BCAS3: variants seen among roughly 807,000 people sequenced by gnomAD.
BCAS3 encodes BCAS3 microtubule associated cell migration factor.
Under a neutral mutation model 116.1 loss-of-function variants are expected in BCAS3, and 53 were observed. The ratio of observed to expected loss-of-function variants is 0.46; its 90% CI spans 0.37 to 0.57. BCAS3 has a LOEUF of 0.57. Ranked by LOEUF, BCAS3 falls within the 20% of genes least tolerant of loss-of-function variation. The pLI is 0.00. For missense variants in BCAS3, 917 were observed against 1,165.4 expected (o/e 0.79, Z 3.10); for synonymous variants, 391 against 408.2 (o/e 0.96, Z 0.51).
rs2045686607 is a variant in BCAS3, at chr17:60,780,202, C to CACTATAT, written c.404-27802_404-27801insACTATAT. On this transcript the variant is annotated intron_variant, in intron 6 of 23. Coordinates refer to ENST00000407086, the MANE Select transcript of BCAS3 (RefSeq NM_017679.5). The stretch of plus-strand genomic sequence containing the variant: ...GACAGGTTTCACTATATTGGCCAAG[C>CACTATAT]TGGTCTCAAACTCCTGACCTTGTGA... Among the ~76,000 whole-genome samples, 13 of 151,502 alleles carry CACTATAT rather than the reference C, an allele frequency of 8.6e-5. No homozygotes were observed. In the South Asian group the frequency reaches 1.0e-3, roughly 12 times the overall value.
chr17:60,882,746 A>G (rs1422037448), intron 9 of BCAS3, among the ~76,000 whole-genome samples: 6 of 147,488 alleles, frequency 4.1e-5, no homozygotes, highest in African/African-American at 1.6e-4. Context: ...AAGATCAGAT[A>G]GTTGTAGGTA....
At chr17:60,914,622 A>G (rs2058683852) in intron 12 of BCAS3, among the ~76,000 whole-genome samples, 1 of 152,166 alleles carries the variant, frequency 6.6e-6, no homozygotes, top group African/African-American at 2.4e-5. Context: ...GTCTACTTAT[A>G]TGTGGATTTT....
intron 14 of BCAS3, among the ~76,000 whole-genome samples, chr17:60,966,005 A>T (rs951688853): frequency 2.0e-5 from 3 of 152,122 alleles, no homozygotes; most frequent in African/African-American, 7.2e-5. Context: ...TATAGACTTG[A>T]GATGTCCAGT....
intron 22 of BCAS3, among the ~76,000 whole-genome samples, chr17:61,119,441 T>C (rs550508782): frequency 6.6e-6 from 1 of 152,252 alleles, no homozygotes; most frequent in South Asian, 2.1e-4. Flanking sequence ...CATGATAGTG[T>C]CATTAGATGC....
At chr17:60,727,278 G>T in intron 5 of BCAS3, 2 of 1,096,358 alleles carry the variant, frequency 1.8e-6, no homozygotes, top group African/African-American at 1.5e-5. Flanking sequence ...ACACATTCTG[G>T]CCTTAGCACA....
At chr17:61,374,386 G>GTCT (rs1458573099) in intron 23 of BCAS3, among the ~76,000 whole-genome samples, 2 of 151,966 alleles carry the variant, frequency 1.3e-5, no homozygotes, top group African/African-American at 2.4e-5. Flanking sequence ...GGCCAGGCTG[G>GTCT]TCTCAAACTC....
intron 22 of BCAS3, among the ~76,000 whole-genome samples, chr17:61,284,497 T>C (rs1018038591): frequency 3.3e-5 from 5 of 152,112 alleles, no homozygotes; most frequent in African/African-American, 4.8e-5. Context: ...ACTGTAACAC[T>C]CATCGCGAGG....
intron 22 of BCAS3, among the ~76,000 whole-genome samples, chr17:61,185,419 A>T (rs952598770): frequency 6.6e-6 from 1 of 152,142 alleles, no homozygotes; most frequent in Admixed American, 6.5e-5. Flanking sequence ...TCAAATGGCT[A>T]CTAGTCTAAT....
At chr17:60,818,370 G>T (rs1172309278) in intron 7 of BCAS3, among the ~76,000 whole-genome samples, 1 of 152,144 alleles carries the variant, frequency 6.6e-6, no homozygotes, top group African/African-American at 2.4e-5. Flanking sequence ...GAGGTGAAGC[G>T]CAGTGTCACC....
At chr17:60,921,608 G>A (rs1396940128) in intron 12 of BCAS3, among the ~76,000 whole-genome samples, 9 of 109,178 alleles carry the variant, frequency 8.2e-5, no homozygotes, top group African/African-American at 1.5e-4. Flanking sequence ...GCGAGACTCC[G>A]TCTCAAAAAA....
chr17:60,855,797 C>T (rs952824134), intron 7 of BCAS3, among the ~76,000 whole-genome samples: 23 of 152,086 alleles, frequency 1.5e-4, no homozygotes, highest in African/African-American at 5.3e-4. Context: ...GATCCTCCCA[C>T]CTCAACCCCC....
intron 6 of BCAS3, among the ~76,000 whole-genome samples, chr17:60,780,107 G>GAGTA (rs2045671103): frequency 6.7e-6 from 1 of 149,368 alleles, no homozygotes; most frequent in African/African-American, 2.5e-5. Flanking sequence ...CTTCTGCCTC[G>GAGTA]GCTCCCCCGA....
At chr17:61,146,180 C>T (rs2077197737) in intron 22 of BCAS3, among the ~76,000 whole-genome samples, 1 of 150,206 alleles carries the variant, frequency 6.7e-6, no homozygotes, top group African/African-American at 2.5e-5. Context: ...GATCACGGCT[C>T]ACTGCAACCT....
intron 7 of BCAS3, among the ~76,000 whole-genome samples, chr17:60,828,159 A>G (rs2050600501): frequency 6.6e-6 from 1 of 152,230 alleles, no homozygotes; most frequent in South Asian, 2.1e-4. Context: ...AGATTTGCAA[A>G]TTAGAGGAAA....
In BCAS3 at chr17:61,282,868, A is replaced by C. The variant is rs563909234; in HGVS notation, c.2426-85459A>C. On this transcript the variant is annotated intron_variant, in intron 22 of 23. Coordinates refer to ENST00000407086, the MANE Select transcript of BCAS3 (RefSeq NM_017679.5). The surrounding 1 kb of genome is among the most constrained non-coding windows in gnomAD (Gnocchi z 5.9). ...GAAATGCACAGAGCTTAAATGTGCA[A>C]GTAATTAAATGAGTTTTAGTGAAGG... Among the ~76,000 whole-genome samples the C allele has an allele frequency of 6.6e-5, 10 of 152,138 alleles. No homozygotes were observed. The South Asian group carries it at 2.1e-3, about 32-fold the overall frequency.
chr17:60,922,062 T>C (rs1229861074), intron 12 of BCAS3, among the ~76,000 whole-genome samples: 1 of 151,962 alleles, frequency 6.6e-6, no homozygotes, highest in East Asian at 1.9e-4. Flanking sequence ...TATTAGTATA[T>C]AAATACCTAA....
chr17:60,911,123 C>CTGTTTTT (rs2058478481), intron 12 of BCAS3, among the ~76,000 whole-genome samples: 2 of 88,256 alleles, frequency 2.3e-5, no homozygotes, highest in Non-Finnish European at 4.0e-5. Context: ...TTTTTTCTTT[C>CTGTTTTT]TTTTTTTTTT....
chr17:60,746,691 C>T lies in BCAS3; in HGVS notation c.322-507C>T, dbSNP rs559558809. Among the ~76,000 whole-genome samples, 83 of 152,048 alleles carry T rather than the reference C, an allele frequency of 5.5e-4. 2 individuals carry two copies. In the South Asian group the frequency reaches 0.016, roughly 29 times the overall value. On this transcript the variant is annotated intron_variant, in intron 5 of 23. Coordinates refer to ENST00000407086, the MANE Select transcript of BCAS3 (RefSeq NM_017679.5). ...TTTTATGATTGTGAAAGAATATAGGCTTATTGAGGTTACATGATTTACTCA... is the reference window on the plus strand; with the variant it reads ...TTTTATGATTGTGAAAGAATATAGGTTTATTGAGGTTACATGATTTACTCA...
intron 22 of BCAS3, among the ~76,000 whole-genome samples, chr17:61,149,204 T>G (rs948594049): frequency 6.6e-5 from 10 of 152,216 alleles, no homozygotes; most frequent in African/African-American, 2.2e-4. Context: ...ATTAAAATTC[T>G]AAATGAACTT....
Sources: allele counts gnomAD v4.1 joint callset (sites outside exome capture counted in the v4.1 genomes callset), GRCh38; gene constraint gnomAD v4.1.1; non-coding constraint Gnocchi (gnomAD v3.1); transcripts MANE v1.5; gene names NCBI Gene and HGNC (gene_info 2026-07-23, HGNC 2026-07-21).